Variants in PNKD observed in about 807,000 individuals in gnomAD.
PNKD encodes the protein probable thioesterase PNKD.
In PNKD, 36 loss-of-function variants were observed where a neutral mutation model predicts 45.3. That is an observed-to-expected ratio of 0.80 (90% CI 0.61 to 1.05). PNKD has a LOEUF of 1.05. Among genes scored for constraint, PNKD ranks in the 50% least tolerant of loss-of-function variants. The pLI is 0.00. For missense variants in PNKD, 511 were observed against 506.6 expected (o/e 1.01, Z -0.08); for synonymous variants, 197 against 210.1 (o/e 0.94, Z 0.54).
intron 2 of PNKD, among the ~76,000 whole-genome samples, chr2:218,297,921 C>G (rs919010924): frequency 5.3e-5 from 8 of 150,732 alleles, no homozygotes; most frequent in Non-Finnish European, 7.4e-5. Context: ...TGGCATGAAC[C>G]CGGGAGGCGG....
intron 2 of PNKD, among the ~76,000 whole-genome samples, chr2:218,283,196 A>C (rs1467734236): frequency 1.3e-5 from 2 of 152,174 alleles, no homozygotes; most frequent in Non-Finnish European, 2.9e-5. Flanking sequence ...AGGGAACCCC[A>C]AACTGGAGTT....
chr2:218,324,848 T>A (rs1454749357), intron 2 of PNKD, among the ~76,000 whole-genome samples: 2 of 151,028 alleles, frequency 1.3e-5, no homozygotes, highest in Non-Finnish European at 2.9e-5. Context: ...GGCAGGAAAA[T>A]TGCTTGAAGC....
intron 2 of PNKD, among the ~76,000 whole-genome samples, chr2:218,302,328 A>G (rs1188319096): frequency 2.6e-5 from 4 of 152,242 alleles, no homozygotes; most frequent in Admixed American, 2.6e-4. Flanking sequence ...AGCCTGAGCA[A>G]CAGAGTGAGA....
At chr2:218,315,651 A>G (rs1693790660) in intron 2 of PNKD, among the ~76,000 whole-genome samples, 1 of 152,240 alleles carries the variant, frequency 6.6e-6, no homozygotes, top group South Asian at 2.1e-4. Flanking sequence ...TCTGCTATCC[A>G]GATTGAACAT....
chr2:218,329,859 C>T (rs886724540), intron 2 of PNKD, among the ~76,000 whole-genome samples: 1 of 152,246 alleles, frequency 6.6e-6, no homozygotes, highest in African/African-American at 2.4e-5. Flanking sequence ...AAGCAGACCT[C>T]GGGTCCCATA....
intron 2 of PNKD, chr2:218,275,583 C>G (rs754982758): frequency 7.4e-6 from 12 of 1,613,818 alleles, no homozygotes; most frequent in African/African-American, 2.7e-5. Flanking sequence ...TGGTGTGCTT[C>G]CGGTTCCCCA....
chr2:218,334,336 C>G (rs1368352295), intron 2 of PNKD, among the ~76,000 whole-genome samples: 1 of 152,066 alleles, frequency 6.6e-6, no homozygotes, highest in South Asian at 2.1e-4. Context: ...TTTCTCTGAT[C>G]TAGAATCCAG....
intron 2 of PNKD, chr2:218,272,863 C>G: frequency 6.2e-7 from 1 of 1,601,792 alleles, no homozygotes; most frequent in Non-Finnish European, 8.5e-7. Context: ...GCATGAAGCC[C>G]AGGCTGTTGC....
intron 2 of PNKD, among the ~76,000 whole-genome samples, chr2:218,329,227 A>G (rs1300398220): frequency 6.6e-6 from 1 of 151,960 alleles, no homozygotes; most frequent in African/African-American, 2.4e-5. Flanking sequence ...CAATCAAGCA[A>G]AAACTAAGGG....
At chr2:218,289,446 A>T (rs1029019664) in intron 2 of PNKD, among the ~76,000 whole-genome samples, 2 of 152,054 alleles carry the variant, frequency 1.3e-5, no homozygotes, top group Non-Finnish European at 2.9e-5. Context: ...GTTCGAGACC[A>T]GCCTGGCCAA....
chr2:218,277,102 G>A (rs1481923628), intron 2 of PNKD: 1 of 1,613,700 alleles, frequency 6.2e-7, no homozygotes, highest in African/African-American at 1.3e-5. Context: ...AAGTCCACCT[G>A]CCAGGAAGCA....
At chr2:218,328,830 C>G (rs1050379581) in intron 2 of PNKD, among the ~76,000 whole-genome samples, 1 of 152,180 alleles carries the variant, frequency 6.6e-6, no homozygotes, top group East Asian at 1.9e-4. Flanking sequence ...CACTGTCTTC[C>G]CTCTTCGAGC....
chr2:218,339,811 G>A lies in PNKD; in HGVS notation c.265G>A (p.Gly89Arg), dbSNP rs147259983. ...WYSLYTRTWL[G>R]YLFYRQQLRR... ...CAGCCTGTACACCCGCACCTGGCTCGGGTACCTCTTCTACCGACAGCAGCT... is the reference window on the plus strand; with the variant it reads ...CAGCCTGTACACCCGCACCTGGCTCAGGTACCTCTTCTACCGACAGCAGCT... Residue 89 changes from glycine (G) to arginine (R), a missense_variant, in exon 3 of 10, where the codon GGG (glycine) becomes AGG (arginine). Coordinates refer to ENST00000273077, the MANE Select transcript of PNKD (RefSeq NM_015488.5). The A allele has an allele frequency of 1.8e-3, 2,880 of 1,613,746 alleles. No individual in the cohort carries two copies. The highest frequency in any genetic ancestry group is 2.2e-3 in the Non-Finnish European group (2,633 of 1,179,824).
At chr2:218,297,312 G>C (rs1693161977) in intron 2 of PNKD, among the ~76,000 whole-genome samples, 1 of 152,192 alleles carries the variant, frequency 6.6e-6, no homozygotes, top group East Asian at 1.9e-4. Flanking sequence ...TGGTGGATTT[G>C]GATGTCTCAG....
intron 2 of PNKD, among the ~76,000 whole-genome samples, chr2:218,287,924 A>T (rs1692647794): frequency 6.6e-6 from 1 of 152,202 alleles, no homozygotes; most frequent in African/African-American, 2.4e-5. Flanking sequence ...TGTGATCAGA[A>T]TGGTAATCTC....
Position 218,287,317 on chromosome 2 carries a change from ACT to A in PNKD, c.236+15773_236+15774del, listed in dbSNP as rs1692600066. 4 of 151,710 alleles carry A rather than the reference ACT, an allele frequency of 2.6e-5. No individual in the cohort carries two copies. In the South Asian group the frequency reaches 8.4e-4, roughly 32 times the overall value. The allele number at this position is 151,710 out of a possible 1,614,324, so 9.4% of individuals were successfully genotyped here. On this transcript the variant is annotated intron_variant, in intron 2 of 9. Transcript: ENST00000273077. The stretch of plus-strand genomic sequence containing the variant: ...GGAACTTCCCTTCCCAGCCCCGCCC[ACT>A]CTCTGAGTGATAGACACCAGCACAC...
intron 1 of PNKD, chr2:218,271,057 CT>C: frequency 6.1e-6 from 3 of 489,456 alleles, no homozygotes; most frequent in Admixed American, 3.4e-5. Context: ...GTTTCAAAAC[CT>C]TTTCCCGGAT....
intron 2 of PNKD, among the ~76,000 whole-genome samples, chr2:218,296,334 GTGAAAGGGATTAGAC>G (rs1693139051): frequency 6.6e-6 from 1 of 152,192 alleles, no homozygotes; most frequent in Non-Finnish European, 1.5e-5. Context: ...GGGTGGAGGA[GTGAAAGGGATTAGAC>G]TGATGTTTAT....
intron 2 of PNKD, among the ~76,000 whole-genome samples, chr2:218,281,705 G>A (rs1444430981): frequency 1.3e-5 from 2 of 152,176 alleles, no homozygotes; most frequent in Non-Finnish European, 2.9e-5. Flanking sequence ...TGTACGTTCT[G>A]GGACATGCCT....
Sources: gnomAD v4.1 joint callset for allele counts (sites outside exome capture counted in the v4.1 genomes callset) on GRCh38, gnomAD v4.1.1 for gene constraint, MANE v1.5 for transcripts, NCBI Gene and HGNC (gene_info 2026-07-23, HGNC 2026-07-21) for gene names.